The following PDE1A variants were observed in gnomAD, a reference collection of about 807,000 sequenced individuals.
The protein encoded by PDE1A is dual specificity calcium/calmodulin-dependent 3',5'-cyclic nucleotide phosphodiesterase 1A.
A neutral mutation model predicts 61.7 loss-of-function variants in PDE1A; 35 were observed. The observed-to-expected ratio is 0.57, with a 90% confidence interval of 0.43 to 0.75. The LOEUF (loss-of-function observed/expected upper bound fraction) is 0.75, where lower values mean the gene tolerates loss of function less well. PDE1A is among the 30% of genes least tolerant of loss of function. PDE1A has a pLI of 0.00. For synonymous variants in PDE1A, 232 were observed against 213.2 expected, an observed-to-expected ratio of 1.09 and a Z score of -0.77; for missense variants, 597 against 630.6, an observed-to-expected ratio of 0.95 and a Z score of 0.57.
chr2:182,551,447 G>A, the PDE1A span, among the ~76,000 whole-genome samples: 39 of 152,248 alleles, frequency 2.6e-4, no homozygotes, highest in African/African-American at 7.0e-4. Context: ...AGTGGGTGTC[G>A]TGGAATTTGG....
At chr2:182,406,264 G>C (rs1702291040) in intron 1 of PDE1A, among the ~76,000 whole-genome samples, 1 of 151,844 alleles carries the variant, frequency 6.6e-6, no homozygotes, top group Non-Finnish European at 1.5e-5. Flanking sequence ...TAAGAATTCT[G>C]AAATTTACTA....
the PDE1A span, among the ~76,000 whole-genome samples, chr2:182,540,995 A>T: frequency 1.3e-5 from 2 of 152,178 alleles, no homozygotes; most frequent in Non-Finnish European, 2.9e-5. Context: ...TAAAACCCCC[A>T]ATATAATTGC....
chr2:182,222,078 A>T (rs1032370660), intron 7 of PDE1A, among the ~76,000 whole-genome samples: 11 of 152,056 alleles, frequency 7.2e-5, no homozygotes, highest in African/African-American at 2.7e-4. Flanking sequence ...AACTGACCAC[A>T]CAAGAGCCTG....
chr2:182,669,122 A>T, the PDE1A span, among the ~76,000 whole-genome samples: 1 of 152,220 alleles, frequency 6.6e-6, no homozygotes, highest in Non-Finnish European at 1.5e-5. Flanking sequence ...TGTTTCCCCC[A>T]AAGAAGCTAT....
intron 1 of PDE1A, among the ~76,000 whole-genome samples, chr2:182,265,337 G>A (rs1426128628): frequency 6.6e-6 from 1 of 152,044 alleles, no homozygotes; most frequent in Non-Finnish European, 1.5e-5. Flanking sequence ...TTTTCTGACT[G>A]CTAGATTCGC....
intron 1 of PDE1A, among the ~76,000 whole-genome samples, chr2:182,290,486 T>C (rs1360440384): frequency 2.6e-5 from 4 of 152,018 alleles, no homozygotes; most frequent in African/African-American, 9.7e-5. Context: ...GTAACTTTGG[T>C]TAATCTTAAA....
chr2:182,201,651 A>C lies in PDE1A; in HGVS notation c.1004+37T>G, dbSNP rs769233493. Reference sequence around the variant, plus strand: ...CAAGCCCCTGGAACTTTAACATGACAAAAAAAAAAAAACAACAAAAAAAAC... The same window carrying C: ...CAAGCCCCTGGAACTTTAACATGACCAAAAAAAAAAAACAACAAAAAAAAC... On this transcript the variant is annotated intron_variant, in intron 9 of 13. Transcript: ENST00000351439. 2.3e-6 allele frequency: 3 copies of C among 1,326,200 alleles called. No individual in the cohort carries two copies. The Admixed American group carries it at 9.8e-5, about 43-fold the overall frequency. 82.2% of individuals were successfully genotyped at this position (1,326,200 alleles called of 1,614,324 possible).
rs574289121 is a variant in PDE1A at position 182,425,206 on chromosome 2, T to C, written c.53+1372A>G. On this transcript the variant is annotated intron_variant, in intron 1 of 13. Transcript: ENST00000351439. ...GATTTTATCCAACACAACCTTGCCT[T>C]TCCAAACTGCTGTGGGTGCCCTCTG... 2.0e-5 allele frequency among the ~76,000 whole-genome samples: 3 copies of C among 152,322 alleles called. No homozygotes were observed. The South Asian group carries it at 6.2e-4, about 32-fold the overall frequency.
At chr2:182,466,944 C>G (rs995575472) in intron 2 of PDE1A, among the ~76,000 whole-genome samples, 1 of 151,998 alleles carries the variant, frequency 6.6e-6, no homozygotes, top group African/African-American at 2.4e-5. Flanking sequence ...CTCTGCTCTT[C>G]CCATACGGGT....
chr2:182,708,680 C>T, the PDE1A span, among the ~76,000 whole-genome samples: 2 of 152,136 alleles, frequency 1.3e-5, no homozygotes, highest in African/African-American at 4.8e-5. Flanking sequence ...GTCCCTCCCT[C>T]AACACATGGG....
At chr2:182,612,711 G>A in the PDE1A span, among the ~76,000 whole-genome samples, 25 of 152,124 alleles carry the variant, frequency 1.6e-4, no homozygotes, top group South Asian at 4.1e-4. Flanking sequence ...AAAAGTAGGC[G>A]CATGATATTT....
At chr2:182,712,580 G>A in the PDE1A span, among the ~76,000 whole-genome samples, 32 of 151,294 alleles carry the variant, frequency 2.1e-4, no homozygotes, top group South Asian at 5.2e-3. Context: ...TTTTTGAGAC[G>A]GAGTCTTGCT....
intron 5 of PDE1A, 21 bp downstream of exon 5, chr2:182,230,994 C>T: frequency 8.5e-7 from 1 of 1,177,882 alleles, no homozygotes; most frequent in Middle Eastern, 2.0e-4. Flanking sequence ...GAGCATTTCA[C>T]TTTTGTTCCA....
At chr2:182,643,464 T>C in the PDE1A span, among the ~76,000 whole-genome samples, 1 of 152,202 alleles carries the variant, frequency 6.6e-6, no homozygotes, top group Admixed American at 6.5e-5. Context: ...TCTTTTCTCA[T>C]CTTGCATTCT....
intron 1 of PDE1A, among the ~76,000 whole-genome samples, chr2:182,284,676 G>A (rs1694040390): frequency 6.6e-6 from 1 of 151,922 alleles, no homozygotes; most frequent in African/African-American, 2.4e-5. Context: ...TAGATGGGTG[G>A]TAATTTTTTA....
the PDE1A span, among the ~76,000 whole-genome samples, chr2:182,531,849 C>G: frequency 1.3e-5 from 2 of 152,160 alleles, no homozygotes; most frequent in Admixed American, 6.5e-5. Flanking sequence ...ATCCCTCCCC[C>G]AGGCTCCCAC....
At chr2:182,295,845 A>T (rs964937539) in intron 1 of PDE1A, among the ~76,000 whole-genome samples, 17 of 152,298 alleles carry the variant, frequency 1.1e-4, no homozygotes, top group African/African-American at 3.8e-4. Flanking sequence ...TTAACTATTG[A>T]TTCCTTATAA....
At chr2:182,640,694 C>T in the PDE1A span, among the ~76,000 whole-genome samples, 3 of 151,772 alleles carry the variant, frequency 2.0e-5, no homozygotes, top group Non-Finnish European at 4.4e-5. Flanking sequence ...TGAAAGCAAC[C>T]ACTAGAAGGA....
At chr2:182,452,691 C>T (rs537629606) in intron 2 of PDE1A, among the ~76,000 whole-genome samples, 1 of 152,254 alleles carries the variant, frequency 6.6e-6, no homozygotes, top group South Asian at 2.1e-4. Context: ...GACAACTTGC[C>T]TCATGTTTCA....
Sources: allele counts gnomAD v4.1 joint callset (sites outside exome capture counted in the v4.1 genomes callset), GRCh38; gene constraint gnomAD v4.1.1; transcripts MANE v1.5; gene names NCBI Gene and HGNC (gene_info 2026-07-23, HGNC 2026-07-21).